The following THSD4 variants were observed in gnomAD, a reference collection of about 807,000 sequenced individuals.
THSD4 encodes the protein thrombospondin type 1 domain containing 4, also known as thrombospondin type-1 domain-containing protein 4.
In THSD4, 69 loss-of-function variants were observed where a neutral mutation model predicts 119.0. The ratio of observed to expected loss-of-function variants is 0.58; its 90% CI spans 0.48 to 0.71. The LOEUF (loss-of-function observed/expected upper bound fraction) is 0.71, where lower values mean the gene tolerates loss of function less well. Ranked by LOEUF, THSD4 falls within the 30% of genes least tolerant of loss-of-function variation. The pLI is 0.00. For synonymous variants in THSD4, 524 were observed against 540.4 expected (o/e 0.97, Z 0.42); for missense variants, 1,393 against 1,391.1 (o/e 1.00, Z -0.02).
intron 7 of THSD4, 24 bp downstream of exon 7, chr15:71,411,847 A>T: frequency 2.5e-6 from 4 of 1,613,242 alleles, no homozygotes; most frequent in Non-Finnish European, 3.4e-6. Context: ...AACTGGGGTG[A>T]ATTCTTAAGG....
Position 71,682,914 on chromosome 15 carries a change from CTT to C in THSD4, c.1357+22181_1357+22182del, listed in dbSNP as rs2051822232. Among the ~76,000 whole-genome samples, 18 of 12,144 alleles carry C rather than the reference CTT, an allele frequency of 1.5e-3. 3 individuals are homozygous for C. Among genetic ancestry groups the C allele is most frequent in the African/African-American group, 4.7e-3 (17 of 3,636 alleles). The allele number at this position is 12,144 out of a possible 152,430, so 8.0% of individuals were successfully genotyped here. A position where few individuals can be genotyped will look rare whatever the true frequency, so the allele number is the denominator to read the frequency against. ...TTTCTTTCTTTCTTTCTTTCTTCTT[CTT>C]CTTCTTTTTTTTTTTTTTTTTTTGA... On this transcript the variant is annotated intron_variant, in intron 8 of 17. Coordinates refer to ENST00000261862, the MANE Select transcript of THSD4 (RefSeq NM_024817.3).
At chr15:71,631,917 T>G (rs2050637087) in intron 7 of THSD4, among the ~76,000 whole-genome samples, 1 of 152,302 alleles carries the variant, frequency 6.6e-6, no homozygotes, top group South Asian at 2.1e-4. Flanking sequence ...GCACGGAAAT[T>G]AGGAGCATGG....
chr15:71,294,753 T>A (rs2044839350), intron 6 of THSD4, among the ~76,000 whole-genome samples: 1 of 152,158 alleles, frequency 6.6e-6, no homozygotes, highest in Non-Finnish European at 1.5e-5. Context: ...GAAGACAGAT[T>A]TCTTTCCCTT....
chr15:71,609,486 T>G (rs1213033073), intron 7 of THSD4, among the ~76,000 whole-genome samples: 1 of 152,146 alleles, frequency 6.6e-6, no homozygotes, highest in East Asian at 1.9e-4. Context: ...TTAGCCACAT[T>G]GATCTGCTCT....
chr15:71,251,719 T>C (rs75408800), intron 5 of THSD4, among the ~76,000 whole-genome samples: 1,723 of 152,270 alleles, frequency 0.011, 34 homozygotes, highest in African/African-American at 0.04. Flanking sequence ...GAGATGATGC[T>C]GTCCGTCTCC....
chr15:71,698,072 C>T (rs777688414), intron 8 of THSD4, among the ~76,000 whole-genome samples: 6 of 152,160 alleles, frequency 3.9e-5, no homozygotes, highest in Non-Finnish European at 8.8e-5. Context: ...TGCAGAGTCC[C>T]TCGGGACCGC....
chr15:71,181,787 G>A (rs1187678979), intron 3 of THSD4, among the ~76,000 whole-genome samples: 1 of 152,206 alleles, frequency 6.6e-6, no homozygotes, highest in Non-Finnish European at 1.5e-5. Flanking sequence ...AGACCAGAAA[G>A]AAGCCATAAT....
intron 4 of THSD4, among the ~76,000 whole-genome samples, chr15:71,225,584 G>C (rs796631925): frequency 8.7e-5 from 10 of 115,544 alleles, no homozygotes; most frequent in African/African-American, 3.5e-4. Flanking sequence ...GTTTCGCTCT[G>C]TTGCCCAGGC....
At chr15:71,753,807 T>C (rs2053490675) in intron 14 of THSD4, among the ~76,000 whole-genome samples, 1 of 152,214 alleles carries the variant, frequency 6.6e-6, no homozygotes. Context: ...TTTACACTTG[T>C]TGGGCTTTTC....
At chr15:71,678,504 G>C (rs1463377162) in intron 8 of THSD4, among the ~76,000 whole-genome samples, 1 of 152,062 alleles carries the variant, frequency 6.6e-6, no homozygotes, top group Non-Finnish European at 1.5e-5. Context: ...CTTTCCCATG[G>C]AAGAAGTTGA....
chr15:71,674,802 A>G (rs2051606624), intron 8 of THSD4, among the ~76,000 whole-genome samples: 1 of 152,092 alleles, frequency 6.6e-6, no homozygotes, highest in African/African-American at 2.4e-5. Context: ...CTGTCGATAG[A>G]GGCCAGGGAT....
intron 5 of THSD4, among the ~76,000 whole-genome samples, chr15:71,252,883 T>C (rs1477441574): frequency 6.6e-6 from 1 of 152,232 alleles, no homozygotes; most frequent in African/African-American, 2.4e-5. Flanking sequence ...ATCATCATCA[T>C]CATCATCATC....
At chr15:71,563,366 A>G (rs72737268) in intron 7 of THSD4, among the ~76,000 whole-genome samples, 2 of 152,306 alleles carry the variant, frequency 1.3e-5, no homozygotes, top group Admixed American at 6.5e-5. Flanking sequence ...TTGGAACCGT[A>G]TCTTCTAAAT....
chr15:71,209,764 C>T (rs539002931), intron 3 of THSD4, among the ~76,000 whole-genome samples: 1 of 152,180 alleles, frequency 6.6e-6, no homozygotes, highest in South Asian at 2.1e-4. Context: ...TCCCACAATT[C>T]CCATGTGTTG....
intron 7 of THSD4, among the ~76,000 whole-genome samples, chr15:71,426,358 A>C (rs573330954): frequency 7.4e-4 from 101 of 136,684 alleles, no homozygotes; most frequent in African/African-American, 2.8e-3. Context: ...TGCATTTGTA[A>C]GTATAGCTGT....
intron 6 of THSD4, among the ~76,000 whole-genome samples, chr15:71,389,709 C>T (rs1400377644): frequency 6.6e-6 from 1 of 151,370 alleles, no homozygotes; most frequent in Non-Finnish European, 1.5e-5. Context: ...AACTGTCATA[C>T]TGCTTTCCAC....
intron 8 of THSD4, among the ~76,000 whole-genome samples, chr15:71,679,516 G>A (rs968911991): frequency 2.0e-5 from 3 of 152,198 alleles, no homozygotes; most frequent in African/African-American, 7.2e-5. Context: ...CCCTTGTTTT[G>A]GTGGATGGAT....
intron 7 of THSD4, among the ~76,000 whole-genome samples, chr15:71,511,080 C>T (rs2048276553): frequency 6.6e-6 from 1 of 152,018 alleles, no homozygotes; most frequent in South Asian, 2.1e-4. Context: ...AGTCTGAGTA[C>T]AGAGCAAGAT....
intron 2 of THSD4, among the ~76,000 whole-genome samples, chr15:71,148,064 C>A (rs1406732201): frequency 1.3e-5 from 2 of 150,958 alleles, no homozygotes; most frequent in Non-Finnish European, 2.9e-5. Context: ...GGCTGCAAGA[C>A]CTGAGAACCT....
Sources: allele counts gnomAD v4.1 joint callset (sites outside exome capture counted in the v4.1 genomes callset), GRCh38; gene constraint gnomAD v4.1.1; transcripts MANE v1.5; gene names NCBI Gene and HGNC (gene_info 2026-07-23, HGNC 2026-07-21).